KCNQ5: variants seen among roughly 807,000 people sequenced by gnomAD.
The protein encoded by KCNQ5 is potassium voltage-gated channel subfamily Q member 5, also known as potassium voltage-gated channel subfamily KQT member 5.
In KCNQ5, 30 loss-of-function variants were observed where a neutral mutation model predicts 98.2. That is an observed-to-expected ratio of 0.31 (90% CI 0.23 to 0.41). The LOEUF (loss-of-function observed/expected upper bound fraction) is 0.41, where lower values mean the gene tolerates loss of function less well. Ranked by LOEUF, KCNQ5 falls within the 10% of genes least tolerant of loss-of-function variation. The pLI, the probability that KCNQ5 is intolerant of heterozygous loss-of-function variation, is 1.00. For synonymous variants in KCNQ5, 458 were observed against 449.4 expected (o/e 1.02, Z -0.24); for missense variants, 835 against 1,182.5 (o/e 0.71, Z 4.31).
At chr6:72,852,639 A>AT in intron 1 of KCNQ5, among the ~76,000 whole-genome samples, 1 of 118,182 alleles carries the variant, frequency 8.5e-6, no homozygotes, top group Non-Finnish European at 1.8e-5. Flanking sequence ...GATGAAGGGG[A>AT]AATATATATA....
intron 1 of KCNQ5, among the ~76,000 whole-genome samples, chr6:72,730,588 C>T (rs1362106638): frequency 6.6e-6 from 1 of 152,190 alleles, no homozygotes; most frequent in African/African-American, 2.4e-5. Flanking sequence ...TTTCTATACA[C>T]ATATGAAATG....
intron 1 of KCNQ5, chr6:72,986,934 T>G: frequency 2.3e-6 from 2 of 857,738 alleles, no homozygotes; most frequent in Non-Finnish European, 3.8e-6. Flanking sequence ...CAGGCAGCCT[T>G]GGGGCAGATA....
At chr6:73,155,517 G>A (rs1432265638) in intron 10 of KCNQ5, among the ~76,000 whole-genome samples, 1 of 152,218 alleles carries the variant, frequency 6.6e-6, no homozygotes, top group East Asian at 1.9e-4. Flanking sequence ...TGGTGTGGCT[G>A]GAGAATGGGA....
At chr6:72,674,048 T>TA (rs139320147) in intron 1 of KCNQ5, among the ~76,000 whole-genome samples, 1,929 of 152,280 alleles carry the variant, frequency 0.013, 50 homozygotes, top group African/African-American at 0.044. Context: ...TATATTATAA[T>TA]AAAAAATTGT....
intron 10 of KCNQ5, chr6:73,157,578 A>G: frequency 1.3e-6 from 1 of 766,140 alleles, no homozygotes. Context: ...GAACCAGCGC[A>G]CCTGGCATGG....
chr6:73,002,200 G>T (rs951819835), intron 1 of KCNQ5, among the ~76,000 whole-genome samples: 10 of 152,166 alleles, frequency 6.6e-5, no homozygotes, highest in African/African-American at 2.4e-4. Flanking sequence ...TTTTTCACTA[G>T]CAGGCTCTTT....
chr6:72,935,633 C>T (rs1207673487), intron 1 of KCNQ5, among the ~76,000 whole-genome samples: 2 of 152,152 alleles, frequency 1.3e-5, no homozygotes, highest in East Asian at 1.9e-4. Flanking sequence ...AAACAAACAC[C>T]TTGGCTCTGT....
intron 3 of KCNQ5, among the ~76,000 whole-genome samples, chr6:73,054,357 G>A (rs1772370943): frequency 1.3e-5 from 2 of 152,136 alleles, no homozygotes; most frequent in Admixed American, 1.3e-4. Context: ...GCATCATCCT[G>A]ATACCAAAAC....
chr6:72,953,171 C>T (rs1766888459), intron 1 of KCNQ5, among the ~76,000 whole-genome samples: 2 of 152,214 alleles, frequency 1.3e-5, no homozygotes, highest in Admixed American at 6.5e-5. Context: ...GACCTTACAA[C>T]CCCATGATGA....
At chr6:73,086,270 A>T (rs1359781218) in intron 5 of KCNQ5, among the ~76,000 whole-genome samples, 1 of 151,884 alleles carries the variant, frequency 6.6e-6, no homozygotes, top group African/African-American at 2.4e-5. Flanking sequence ...CCCACACATG[A>T]TCCCACCTTC....
rs1765725983 is a variant in KCNQ5, at chr6:73,194,858, T to A, written c.2243T>A (p.Leu748Ter). The part of the protein sequence containing the change: ...TAPKPAAPTT[L>*]QIPPPLPAIK... The stretch of plus-strand genomic sequence containing the variant: ...CCCAAGCCAGCAGCCCCAACAACTT[T>A]ACAGATCCCACCTCCTCTCCCAGCC... Residue 748 changes from leucine (L) to a stop codon, truncating the protein, a stop_gained, in exon 14 of 14, where the codon TTA (leucine) becomes TAA (stop). Transcript: ENST00000370398. LOFTEE classifies it high-confidence loss of function. 1 of 1,614,068 alleles carries A rather than the reference T, an allele frequency of 6.2e-7. No individual in the cohort carries two copies. The highest frequency in any genetic ancestry group is 8.5e-7 in the Non-Finnish European group (1 of 1,180,010).
chr6:72,813,879 G>A (rs1416797755), intron 1 of KCNQ5, among the ~76,000 whole-genome samples: 5 of 151,812 alleles, frequency 3.3e-5, no homozygotes, highest in Non-Finnish European at 7.4e-5. Context: ...CCTCTTGTTG[G>A]TTGACTCTGT....
At chr6:73,129,835 C>T (rs1341175922) in intron 9 of KCNQ5, 2 of 1,612,808 alleles carry the variant, frequency 1.2e-6, no homozygotes, top group Middle Eastern at 3.3e-4. Flanking sequence ...GAATGTACAC[C>T]TCACGGAAGC....
chr6:72,931,689 G>T (rs1481760511), intron 1 of KCNQ5, among the ~76,000 whole-genome samples: 1 of 152,146 alleles, frequency 6.6e-6, no homozygotes, highest in Non-Finnish European at 1.5e-5. Context: ...GAAGCGAAGT[G>T]AGGCTAAAAC....
intron 3 of KCNQ5, among the ~76,000 whole-genome samples, chr6:73,048,281 GT>G (rs1772060771): frequency 6.6e-6 from 1 of 152,208 alleles, no homozygotes; most frequent in South Asian, 2.1e-4. Context: ...CCATGAGGAG[GT>G]TTAGACACAG....
rs565693190 is a variant in KCNQ5, at chr6:73,153,262, TC to T, written c.1469-16481del. Among the ~76,000 whole-genome samples, 289 of 152,310 alleles carry T rather than the reference TC, an allele frequency of 1.9e-3. 1 individual carries two copies. The highest frequency in any genetic ancestry group is 3.4e-3 in the Non-Finnish European group (228 of 68,010). Reference sequence around the variant, plus strand: ...AGTTACCTAACTTGTCCATCTGCTTTCCCACTTCCAAAATTATGTTGTTGTC... The same window carrying T: ...AGTTACCTAACTTGTCCATCTGCTTTCCACTTCCAAAATTATGTTGTTGTC... On this transcript the variant is annotated intron_variant, in intron 10 of 13. Coordinates refer to ENST00000370398, the MANE Select transcript of KCNQ5 (RefSeq NM_019842.4).
chr6:72,929,117 A>T (rs1765578798), intron 1 of KCNQ5, among the ~76,000 whole-genome samples: 1 of 152,134 alleles, frequency 6.6e-6, no homozygotes. Context: ...GAGGTTCCTC[A>T]TAACTAGCTG....
chr6:73,164,169 A>G (rs577049676), intron 10 of KCNQ5, among the ~76,000 whole-genome samples: 1 of 152,172 alleles, frequency 6.6e-6, no homozygotes, highest in Non-Finnish European at 1.5e-5. Flanking sequence ...CATTTTCATT[A>G]TATGTGATTT....
At position 72,826,441 on chromosome 6, in the gene KCNQ5, A is replaced by C. The variant is rs540129375; in HGVS notation, c.399-177467A>C. On this transcript the variant is annotated intron_variant, in intron 1 of 13. Coordinates refer to ENST00000370398, the MANE Select transcript of KCNQ5 (RefSeq NM_019842.4). ...ATAAGAAATAATGAATAGAAGAAAT[A>C]TGTACTATTTCTAATTGAAAAATGT... Among the ~76,000 whole-genome samples, 536 of 152,130 alleles carry C rather than the reference A, an allele frequency of 3.5e-3. 3 individuals are homozygous for C. The highest frequency in any genetic ancestry group is 5.8e-3 in the Non-Finnish European group (391 of 67,994).
Sources: gnomAD v4.1 joint callset for allele counts (sites outside exome capture counted in the v4.1 genomes callset) on GRCh38, gnomAD v4.1.1 for gene constraint, MANE v1.5 for transcripts, NCBI Gene and HGNC (gene_info 2026-07-23, HGNC 2026-07-21) for gene names.